Variants in TMEM39B observed in about 807,000 individuals in gnomAD.
TMEM39B encodes transmembrane protein 39B.
A neutral mutation model predicts 52.2 loss-of-function variants in TMEM39B; 23 were observed. That is an observed-to-expected ratio of 0.44 (90% CI 0.32 to 0.62). TMEM39B has a LOEUF of 0.62. Among genes scored for constraint, TMEM39B ranks in the 20% least tolerant of loss-of-function variants. TMEM39B has a pLI of 0.06. For synonymous variants in TMEM39B, 285 were observed against 264.0 expected, an observed-to-expected ratio of 1.08 and a Z score of -0.77; for missense variants, 547 against 642.0, an observed-to-expected ratio of 0.85 and a Z score of 1.60.
chr1:32,075,397 C>G (rs1639810246), intron 2 of TMEM39B, among the ~76,000 whole-genome samples: 1 of 152,166 alleles, frequency 6.6e-6, no homozygotes, highest in African/African-American at 2.4e-5. Flanking sequence ...AATTCTTTCT[C>G]TCCTAGGGGG....
intron 5 of TMEM39B, among the ~76,000 whole-genome samples, chr1:32,090,277 C>G (rs1353672932): frequency 6.6e-6 from 1 of 152,092 alleles, no homozygotes; most frequent in African/African-American, 2.4e-5. Flanking sequence ...ACATAATTAG[C>G]TCCAGCCCTG....
At chr1:32,073,424 TG>T in intron 1 of TMEM39B, 2 of 432,802 alleles carry the variant, frequency 4.6e-6, no homozygotes, top group Non-Finnish European at 3.0e-6. Context: ...GGGGTTACAC[TG>T]GGGGCGGTGG....
At chr1:32,086,409 T>G (rs1160922711) in intron 5 of TMEM39B, among the ~76,000 whole-genome samples, 9 of 152,122 alleles carry the variant, frequency 5.9e-5, no homozygotes, top group Admixed American at 5.2e-4. Context: ...AATAGGGTAG[T>G]CTGAGTTGAG....
intron 5 of TMEM39B, among the ~76,000 whole-genome samples, chr1:32,081,159 T>C (rs544900806): frequency 6.6e-6 from 1 of 152,216 alleles, no homozygotes; most frequent in East Asian, 1.9e-4. Flanking sequence ...CACTCTTCAA[T>C]AGCAGTCTCT....
In TMEM39B at chr1:32,081,960, A is replaced by G. The variant is rs75098557; in HGVS notation, c.590+4642A>G. On this transcript the variant is annotated intron_variant, in intron 5 of 8. Transcript: ENST00000336294. ...TTCTACGCATATACAAACATACCAC[A>G]TACACACATATGCAAGTATATTGAT... 7.9e-4 allele frequency among the ~76,000 whole-genome samples: 121 copies of G among 152,270 alleles called. 2 individuals are homozygous for G. The East Asian group carries it at 0.021, about 26-fold the overall frequency.
chr1:32,075,647 A>C lies in TMEM39B; in HGVS notation c.176A>C (p.Gln59Pro). 6.4e-7 allele frequency: 1 copy of C among 1,551,692 alleles called. No homozygotes were observed. Among genetic ancestry groups the C allele is most frequent in the South Asian group, 1.2e-5 (1 of 84,050 alleles). ...TGLSSPPLAT[Q>P]TVVPLQHCKI... ...CTCTCCAGCCCTCCTCTGGCCACCC[A>C]AACTGTTGTGCCTCTACAGCACTGC... Residue 59 changes from glutamine to proline, a missense_variant, in exon 3 of 9, where the codon CAA becomes CCA. Physicochemically the swap from Gln to Pro is moderately conservative, Grantham distance 76. Coordinates refer to ENST00000336294, the MANE Select transcript of TMEM39B (RefSeq NM_018056.4).
chr1:32,094,659 GT>G, intron 6 of TMEM39B, 124 bp from the exon 7 acceptor site: 1 of 1,070,652 alleles, frequency 9.3e-7, no homozygotes. Context: ...TTGATTCTTG[GT>G]TTCAGGCTAT....
chr1:32,073,342 G>T (rs1639719931), intron 1 of TMEM39B: 1 of 462,670 alleles, frequency 2.2e-6, no homozygotes, highest in East Asian at 3.6e-5. Context: ...CTTACCAGTG[G>T]GCGTGGCTTC....
Position 32,075,689 on chromosome 1 carries a change from C to T in TMEM39B, c.218C>T (p.Pro73Leu). ...CAGCACTGCAAGATCCCCGAGCTGC[C>T]AGTCCAGGCCAGCATTCTGTTTGAG... ...PLQHCKIPEL[P>L]VQASILFELQ... The change falls in exon 3 of 9, where the codon CCA becomes CTA. Residue 73 changes from proline (P) to leucine (L), a missense_variant. By Grantham distance (98) the Pro-to-Leu change is moderately conservative (BLOSUM62 -3). Coordinates refer to ENST00000336294, the MANE Select transcript of TMEM39B (RefSeq NM_018056.4). The T allele has an allele frequency of 1.3e-6, 2 of 1,551,824 alleles. No homozygotes were observed. Among genetic ancestry groups the T allele is most frequent in the Non-Finnish European group, 1.7e-6 (2 of 1,147,036 alleles).
In TMEM39B at chr1:32,094,848, C is replaced by T; in HGVS notation, c.992C>T (p.Ser331Phe). 2 of 1,614,246 alleles carry T rather than the reference C, an allele frequency of 1.2e-6. No individual in the cohort carries two copies. Among genetic ancestry groups the T allele is most frequent in the African/African-American group, 2.7e-5 (2 of 75,076 alleles). Reference sequence around the variant, plus strand: ...TTCCTGCTGGTGTCCATCAGCACCTCCGTGATCCTCATGCAGCACCTGCTG... The same window carrying T: ...TTCCTGCTGGTGTCCATCAGCACCTTCGTGATCCTCATGCAGCACCTGCTG... ...ELFLLVSIST[S>F]VILMQHLLPA... is the part of the protein sequence containing the mutation. The change falls in exon 7 of 9, where the codon TCC becomes TTC. Residue 331 changes from serine to phenylalanine, a missense_variant. By Grantham distance (155) the Ser-to-Phe change is radical (BLOSUM62 -2). Coordinates refer to ENST00000336294, the MANE Select transcript of TMEM39B (RefSeq NM_018056.4).
At chr1:32,079,417 C>T (rs1408193075) in intron 5 of TMEM39B, among the ~76,000 whole-genome samples, 1 of 151,992 alleles carries the variant, frequency 6.6e-6, no homozygotes, top group Non-Finnish European at 1.5e-5. Flanking sequence ...ATCTCCTGAC[C>T]TCATGATCTG....
At chr1:32,090,932 G>A (rs1231703042) in intron 5 of TMEM39B, among the ~76,000 whole-genome samples, 2 of 151,890 alleles carry the variant, frequency 1.3e-5, no homozygotes, top group Non-Finnish European at 2.9e-5. Context: ...GAGCCACTGC[G>A]CCTGGCCCAT....
chr1:32,075,201 G>A (rs1247740283), intron 2 of TMEM39B, 124 bp downstream of exon 2: 2 of 1,357,234 alleles, frequency 1.5e-6, no homozygotes, highest in Non-Finnish European at 2.0e-6. Context: ...AGGGGAGTAA[G>A]CAGCAGAAAA....
chr1:32,080,130 C>T (rs190491136), intron 5 of TMEM39B, among the ~76,000 whole-genome samples: 14 of 151,754 alleles, frequency 9.2e-5, no homozygotes, highest in African/African-American at 3.1e-4. Flanking sequence ...CCTCGTGATC[C>T]GCCCACCTTG....
intron 5 of TMEM39B, among the ~76,000 whole-genome samples, chr1:32,082,006 T>A (rs544722132): frequency 1.3e-5 from 2 of 152,284 alleles, no homozygotes; most frequent in East Asian, 3.9e-4. Context: ...GACAGATGAT[T>A]TAGCTCACGA....
At chr1:32,073,193 C>G (rs996307450) in intron 1 of TMEM39B, 142 bp downstream of exon 1, 70 of 1,146,364 alleles carry the variant, frequency 6.1e-5, no homozygotes, top group Non-Finnish European at 7.9e-5. Flanking sequence ...GATCCCGCCC[C>G]CTCCTGTCGT....
chr1:32,086,644 G>A (rs1640361344), intron 5 of TMEM39B, among the ~76,000 whole-genome samples: 1 of 152,126 alleles, frequency 6.6e-6, no homozygotes, highest in South Asian at 2.1e-4. Flanking sequence ...GCCTGCACCT[G>A]TAGTCCCAGC....
At chr1:32,076,173 G>A (rs1405804903) in intron 3 of TMEM39B, 2 of 163,216 alleles carry the variant, frequency 1.2e-5, no homozygotes, top group Admixed American at 1.3e-4. Flanking sequence ...GTGGAATGGC[G>A]CAATCTTAGC....
chr1:32,081,190 A>ATTTGTTTGTTTG lies in TMEM39B; in HGVS notation c.590+3888_590+3899dup, dbSNP rs113300673. 5.7e-3 allele frequency among the ~76,000 whole-genome samples: 856 copies of ATTTGTTTGTTTG among 150,072 alleles called. 10 individuals are homozygous for ATTTGTTTGTTTG. Among genetic ancestry groups the ATTTGTTTGTTTG allele is most frequent in the African/African-American group, 0.02 (831 of 40,826 alleles). On this transcript the variant is annotated intron_variant, in intron 5 of 8. Coordinates refer to ENST00000336294, the MANE Select transcript of TMEM39B (RefSeq NM_018056.4). The stretch of plus-strand genomic sequence containing the variant: ...TCTCTTTTACTTTCTGGGTTTTTTT[A>ATTTGTTTGTTTG]TTTGTTTGTTTGTTTGTTTGTTTGT...
Sources: gnomAD v4.1 joint callset for allele counts (sites outside exome capture counted in the v4.1 genomes callset) on GRCh38, gnomAD v4.1.1 for gene constraint, MANE v1.5 for transcripts, NCBI Gene and HGNC (gene_info 2026-07-23, HGNC 2026-07-21) for gene names.